CDHR3: variants seen among roughly 807,000 people sequenced by gnomAD.
The protein encoded by CDHR3 is cadherin-related family member 3.
In CDHR3, 79 loss-of-function variants were observed where a neutral mutation model predicts 86.6. The observed-to-expected ratio is 0.91, with a 90% CI of 0.76 to 1.10. The LOEUF (loss-of-function observed/expected upper bound fraction) is 1.10, where lower values mean the gene tolerates loss of function less well. Among genes scored for constraint, CDHR3 ranks in the 50% least tolerant of loss-of-function variants. The probability of loss-of-function intolerance (pLI) is 0.00; values close to 1 mark genes in which losing one functional copy is unlikely to be tolerated. For synonymous variants in CDHR3, 421 were observed against 402.4 expected, an observed-to-expected ratio of 1.05 and a Z score of -0.55; for missense variants, 1,081 against 1,077.6, an observed-to-expected ratio of 1.00 and a Z score of -0.04.
intron 6 of CDHR3, among the ~76,000 whole-genome samples, chr7:105,998,612 T>C (rs564421538): frequency 6.6e-6 from 1 of 152,110 alleles, no homozygotes; most frequent in East Asian, 1.9e-4. Flanking sequence ...ACCAACATGG[T>C]GAAACCCTGT....
intron 1 of CDHR3, among the ~76,000 whole-genome samples, chr7:105,967,042 T>C (rs1328234345): frequency 1.3e-5 from 2 of 152,082 alleles, no homozygotes; most frequent in Non-Finnish European, 2.9e-5. Flanking sequence ...GCCATGTTGG[T>C]GTGCTGCACT....
chr7:105,997,428 T>C (rs1341885301), intron 6 of CDHR3, among the ~76,000 whole-genome samples: 1 of 152,240 alleles, frequency 6.6e-6, no homozygotes, highest in African/African-American at 2.4e-5. Context: ...AATGGCTATG[T>C]AATGCTTTCC....
chr7:106,024,301 A>C, intron 14 of CDHR3, 80 bp from the exon 15 acceptor site: 1 of 1,245,716 alleles, frequency 8.0e-7, no homozygotes, highest in Non-Finnish European at 1.1e-6. Flanking sequence ...AGAGTGGAAT[A>C]AACACTCAAC....
chr7:105,974,854 A>G lies in CDHR3; in HGVS notation c.57A>G (p.Ala19=). 1 of 1,613,196 alleles carries G rather than the reference A, an allele frequency of 6.2e-7. No homozygotes were observed. ...ALLGAMSGGE[A]LHLILLPATG... Reference sequence around the variant, plus strand: ...CTTTTTACTCCACAGGGGGAGAAGCACTACACCTAATCCTCTTACCTGCTA... The same window carrying G: ...CTTTTTACTCCACAGGGGGAGAAGCGCTACACCTAATCCTCTTACCTGCTA... Residue 19 remains alanine, a synonymous_variant, in exon 2 of 19, where the codon GCA becomes GCG. Transcript: ENST00000317716.
rs528985415 is a variant in CDHR3 at position 105,974,938 on chromosome 7, G to A, written c.141G>A (p.Lys47=). ...PGTSVHKFSV[K]LSASLSPVIP... The stretch of plus-strand genomic sequence containing the variant: ...CTTCAGTGCACAAGTTTTCTGTGAA[G>A]TTATCAGCATCATTGTCACCTGTGA... Residue 47 remains lysine (K), a synonymous_variant, in exon 2 of 19, where the codon AAG becomes AAA. Coordinates refer to ENST00000317716, the MANE Select transcript of CDHR3 (RefSeq NM_152750.5). The A allele has an allele frequency of 6.2e-7, 1 of 1,613,886 alleles. No homozygotes were observed. Among genetic ancestry groups the A allele is most frequent in the South Asian group, 1.1e-5 (1 of 91,082 alleles).
chr7:105,990,371 GT>G (rs1271927110), intron 4 of CDHR3, among the ~76,000 whole-genome samples: 5 of 152,072 alleles, frequency 3.3e-5, no homozygotes, highest in East Asian at 1.9e-4. Context: ...TTTAACGATA[GT>G]TTTTTTTCTT....
intron 6 of CDHR3, among the ~76,000 whole-genome samples, chr7:105,999,016 C>T (rs1023898160): frequency 5.3e-5 from 8 of 152,188 alleles, no homozygotes; most frequent in Non-Finnish European, 1.0e-4. Context: ...AGTGGTGAAG[C>T]CATCCATGGC....
chr7:106,003,989 C>CAAA (rs55815648), intron 7 of CDHR3, among the ~76,000 whole-genome samples: 932 of 79,358 alleles, frequency 0.012, no homozygotes, highest in East Asian at 0.014. Context: ...CCAACCTAAC[C>CAAA]AAAAAAAAAA....
At chr7:105,969,397 CAAAAAAAA>C (rs760242300) in intron 1 of CDHR3, among the ~76,000 whole-genome samples, 9 of 79,822 alleles carry the variant, frequency 1.1e-4, no homozygotes, top group African/African-American at 4.9e-4. Flanking sequence ...GACTCCGTCT[CAAAAAAAA>C]AAAAAAAAAA....
intron 8 of CDHR3, among the ~76,000 whole-genome samples, chr7:106,011,107 G>A (rs1255075048): frequency 1.3e-5 from 2 of 152,132 alleles, no homozygotes; most frequent in African/African-American, 2.4e-5. Context: ...TGACAGCCAC[G>A]ATATATTTTT....
At chr7:106,020,998 C>A (rs906212473) in intron 13 of CDHR3, among the ~76,000 whole-genome samples, 4 of 152,122 alleles carry the variant, frequency 2.6e-5, no homozygotes, top group Non-Finnish European at 5.9e-5. Context: ...AAAATGCAGT[C>A]CAACTTTTCG....
intron 6 of CDHR3, among the ~76,000 whole-genome samples, chr7:106,000,164 T>C (rs1285900430): frequency 1.3e-5 from 2 of 152,214 alleles, no homozygotes; most frequent in Non-Finnish European, 1.5e-5. Flanking sequence ...ATATGTCAAG[T>C]AAGGGAAAGG....
chr7:105,965,056 A>C (rs756080709), intron 1 of CDHR3, among the ~76,000 whole-genome samples: 6 of 152,240 alleles, frequency 3.9e-5, no homozygotes, highest in Non-Finnish European at 8.8e-5. Flanking sequence ...GAAGTGTGAA[A>C]GGGATAGATC....
At chr7:106,001,341 C>A (rs1364345134) in intron 6 of CDHR3, 121 bp from the exon 7 acceptor site, 4 of 1,013,052 alleles carry the variant, frequency 3.9e-6, no homozygotes, top group Non-Finnish European at 5.9e-6. Context: ...TCCCTCTGAG[C>A]ATGTTGATGC....
chr7:106,017,944 C>A lies in CDHR3; in HGVS notation c.1525C>A (p.Pro509Thr), dbSNP rs1216986712. The change falls in exon 12 of 19, where the codon CCA becomes ACA. Residue 509 changes from proline (P) to threonine (T), a missense_variant. Physicochemically the swap from Pro to Thr is conservative, Grantham distance 38 (BLOSUM62 -1). Coordinates refer to ENST00000317716, the MANE Select transcript of CDHR3 (RefSeq NM_152750.5). ...CACTGGAGGGGCCAGCCTCCAGTAT[C>A]CAAATGTATTTTGGATTAATCCCAA... Reference protein sequence around the residue: ...ISTGGASLQYPNVFWINPKTG... With the variant: ...ISTGGASLQYTNVFWINPKTG... The A allele has an allele frequency of 1.9e-6, 3 of 1,613,334 alleles. No individual in the cohort carries two copies. The highest frequency in any genetic ancestry group is 8.5e-7 in the Non-Finnish European group (1 of 1,179,684).
intron 6 of CDHR3, among the ~76,000 whole-genome samples, chr7:105,999,905 T>TC (rs1832870835): frequency 6.6e-6 from 1 of 152,206 alleles, no homozygotes; most frequent in South Asian, 2.1e-4. Flanking sequence ...AGCACAGGCA[T>TC]CTTAGTGGCC....
At chr7:106,022,016 C>T (rs1836640908) in intron 13 of CDHR3, among the ~76,000 whole-genome samples, 182 bp from the exon 14 acceptor site, 1 of 152,208 alleles carries the variant, frequency 6.6e-6, no homozygotes, top group Admixed American at 6.5e-5. Flanking sequence ...GTACTAATGC[C>T]ATCTCTGGTG....
intron 12 of CDHR3, among the ~76,000 whole-genome samples, chr7:106,018,630 C>T (rs1836037198): frequency 6.6e-6 from 1 of 152,186 alleles, no homozygotes; most frequent in African/African-American, 2.4e-5. Flanking sequence ...CACAAAGCCA[C>T]TTTGTGGGAC....
intron 6 of CDHR3, among the ~76,000 whole-genome samples, chr7:106,000,557 G>A (rs1832983466): frequency 6.6e-6 from 1 of 152,224 alleles, no homozygotes; most frequent in African/African-American, 2.4e-5. Flanking sequence ...TGGGAAATTA[G>A]AGGTGACTAC....
Sources: gnomAD v4.1 joint callset for allele counts (sites outside exome capture counted in the v4.1 genomes callset) on GRCh38, gnomAD v4.1.1 for gene constraint, MANE v1.5 for transcripts, NCBI Gene and HGNC (gene_info 2026-07-23, HGNC 2026-07-21) for gene names.